Variants in FCRL6 observed in about 807,000 individuals in gnomAD.
FCRL6 encodes Fc receptor-like protein 6.
FCRL6 carries 50 observed loss-of-function variants against 49.1 expected under a neutral mutation model. That is an observed-to-expected ratio of 1.02 (90% confidence interval 0.81 to 1.29). The LOEUF is 1.29. FCRL6 is among the 50% of genes most tolerant of loss of function. The pLI is 0.00. For synonymous variants in FCRL6, 213 were observed against 199.6 expected (o/e 1.07, Z -0.57); for missense variants, 571 against 518.5 (o/e 1.10, Z -0.98).
At chr1:159,803,308 A>C (rs1662464660) in intron 1 of FCRL6, among the ~76,000 whole-genome samples, 1 of 152,228 alleles carries the variant, frequency 6.6e-6, no homozygotes, top group African/African-American at 2.4e-5. Context: ...GTTTCACTTT[A>C]CAGTTTCCAA....
rs559398248 is a variant in FCRL6, at chr1:159,808,498, G to C, written c.319+54G>C. On this transcript the variant is annotated intron_variant, in intron 3 of 9. Coordinates refer to ENST00000368106, the MANE Select transcript of FCRL6 (RefSeq NM_001004310.3). ...GCAGGAGGTGCTGCTCAAGGGTCCCGTTTCTAGAGGTCAGTAGCTCTCTGG... is the reference window on the plus strand; with the variant it reads ...GCAGGAGGTGCTGCTCAAGGGTCCCCTTTCTAGAGGTCAGTAGCTCTCTGG... The C allele has an allele frequency of 9.7e-4, 1,560 of 1,601,860 alleles. 3 individuals are homozygous for C. Among genetic ancestry groups the C allele is most frequent in the Non-Finnish European group, 1.2e-3 (1,428 of 1,169,626 alleles).
chr1:159,811,474 G>C (rs998637198), intron 6 of FCRL6, among the ~76,000 whole-genome samples: 1 of 152,320 alleles, frequency 6.6e-6, no homozygotes. Flanking sequence ...AGCTGGACCA[G>C]CCTGATAATT....
chr1:159,808,156 G>A (rs751670102), intron 2 of FCRL6, 22 bp from the exon 3 acceptor site: 11 of 1,596,178 alleles, frequency 6.9e-6, no homozygotes, highest in Non-Finnish European at 9.4e-6. Flanking sequence ...CTCCAGGGCT[G>A]CCCTGTTCCT....
intron 1 of FCRL6, among the ~76,000 whole-genome samples, chr1:159,804,409 C>T (rs1161881693): frequency 2.6e-5 from 4 of 152,214 alleles, no homozygotes; most frequent in African/African-American, 9.7e-5. Flanking sequence ...CCCTCAGAAA[C>T]TTTAAGAGGA....
In FCRL6 at chr1:159,815,807, G is replaced by C; in HGVS notation, c.*146G>C. ...CCCTGAGCCCTTGTCCTGGTCAGGAGCACCTGAACCCTGGGTTCTTTTCTT... is the reference window on the plus strand; with the variant it reads ...CCCTGAGCCCTTGTCCTGGTCAGGACCACCTGAACCCTGGGTTCTTTTCTT... On this transcript the variant is annotated 3_prime_UTR_variant, in exon 10 of 10. Coordinates refer to ENST00000368106, the MANE Select transcript of FCRL6 (RefSeq NM_001004310.3). 2.1e-6 allele frequency: 2 copies of C among 958,292 alleles called. No individual in the cohort carries two copies. The highest frequency in any genetic ancestry group is 3.3e-5 in the South Asian group (2 of 61,136). The allele number at this position is 958,292 out of a possible 1,614,324, so 59.4% of individuals were successfully genotyped here.
At chr1:159,813,742 T>G (rs1571113939) in intron 7 of FCRL6, among the ~76,000 whole-genome samples, 188 bp downstream of exon 7, 2 of 150,452 alleles carry the variant, frequency 1.3e-5, no homozygotes, top group Non-Finnish European at 3.0e-5. Flanking sequence ...GAGAAGGGGG[T>G]GGGAAGGGAG....
chr1:159,811,824 CT>C (rs141787328), intron 6 of FCRL6, among the ~76,000 whole-genome samples: 11,465 of 152,158 alleles, frequency 0.075, 823 homozygotes, highest in African/African-American at 0.18. Context: ...GTGAGTTATG[CT>C]GTCATTGTGT....
In FCRL6 at chr1:159,808,174, G is replaced by A. The variant is rs753754969; in HGVS notation, c.53-4G>A. On this transcript the variant is annotated splice_polypyrimidine_tract_variant and splice_region_variant and intron_variant, in intron 2 of 9. Transcript: ENST00000368106. ...CAGGGCTGCCCTGTTCCTCTGTCTCGCAGTCTGGCTGTACCTCCAAGCCTG... is the reference window on the plus strand; with the variant it reads ...CAGGGCTGCCCTGTTCCTCTGTCTCACAGTCTGGCTGTACCTCCAAGCCTG... 60 of 1,605,870 alleles carry A rather than the reference G, an allele frequency of 3.7e-5. No individual in the cohort carries two copies. Among genetic ancestry groups the A allele is most frequent in the African/African-American group, 8.0e-5 (6 of 74,758 alleles).
At chr1:159,814,424 T>C in intron 8 of FCRL6, 132 bp downstream of exon 8, 2 of 671,950 alleles carry the variant, frequency 3.0e-6, no homozygotes, top group Admixed American at 4.9e-5. Context: ...AAGACCATCA[T>C]ATTTATCTCC....
At position 159,809,027 on chromosome 1, in the gene FCRL6, C is replaced by T. The variant is rs775406232; in HGVS notation, c.386C>T (p.Thr129Ile). The T allele has an allele frequency of 5.0e-6, 8 of 1,613,940 alleles. No homozygotes were observed. The South Asian group carries it at 7.7e-5, about 16-fold the overall frequency. The change falls in exon 4 of 10, where the codon ACC becomes ATC. Residue 129 changes from threonine to isoleucine, a missense_variant. Coordinates refer to ENST00000368106, the MANE Select transcript of FCRL6 (RefSeq NM_001004310.3). ...GAGCCCCGAGAGGGTAGCCTGGTGA[C>T]CCTGAGATGTCAGACAAAGCTGCAC... ...SPEPREGSLV[T>I]LRCQTKLHPL...
intron 1 of FCRL6, among the ~76,000 whole-genome samples, chr1:159,803,614 G>A (rs6668234): frequency 0.026 from 3,901 of 152,286 alleles, 177 homozygotes; most frequent in African/African-American, 0.089. Flanking sequence ...ACTCCCAGGG[G>A]CAAATGGCAC....
chr1:159,809,306 C>T, intron 4 of FCRL6, 61 bp downstream of exon 4: 1 of 1,526,788 alleles, frequency 6.5e-7, no homozygotes, highest in South Asian at 1.3e-5. Context: ...GTGGGATCCC[C>T]TGGGACTAAA....
At chr1:159,812,555 G>A (rs540069892) in intron 6 of FCRL6, among the ~76,000 whole-genome samples, 42 of 152,258 alleles carry the variant, frequency 2.8e-4, no homozygotes, top group South Asian at 8.3e-4. Flanking sequence ...CACACATCCC[G>A]TAAAACAAAG....
At chr1:159,812,109 G>A (rs1202640208) in intron 6 of FCRL6, among the ~76,000 whole-genome samples, 1 of 152,198 alleles carries the variant, frequency 6.6e-6, no homozygotes, top group Non-Finnish European at 1.5e-5. Flanking sequence ...GCCAACCTTG[G>A]AGCAGGTGGG....
intron 3 of FCRL6, chr1:159,808,712 C>T (rs1306384176): frequency 4.9e-6 from 3 of 608,016 alleles, no homozygotes; most frequent in Admixed American, 3.0e-5. Context: ...TCACCCTTCC[C>T]CTCTATGGAC....
chr1:159,808,086 C>A, intron 2 of FCRL6, 92 bp from the exon 3 acceptor site: 1 of 1,421,040 alleles, frequency 7.0e-7, no homozygotes, highest in Non-Finnish European at 9.6e-7. Flanking sequence ...GGCCTCCATC[C>A]CCAGCAGGAG....
chr1:159,809,122 C>G lies in FCRL6; in HGVS notation c.481C>G (p.Pro161Ala). 1 of 1,614,094 alleles carries G rather than the reference C, an allele frequency of 6.2e-7. No individual in the cohort carries two copies. The stretch of plus-strand genomic sequence containing the variant: ...CGGCCACACCTTGCAGGACAGGGGC[C>G]CTCACCCAGAACTCTGCATCCCGGG... ...KDGHTLQDRG[P>A]HPELCIPGAK... is the part of the protein sequence containing the mutation. The change falls in exon 4 of 10, where the codon CCT (proline) becomes GCT (alanine). Residue 161 changes from proline to alanine, a missense_variant. Coordinates refer to ENST00000368106, the MANE Select transcript of FCRL6 (RefSeq NM_001004310.3).
rs776125711 is a variant in FCRL6 at position 159,809,030 on chromosome 1, T to G, written c.389T>G (p.Leu130Arg). Reference protein sequence around the residue: ...PEPREGSLVTLRCQTKLHPLR... With the variant: ...PEPREGSLVTRRCQTKLHPLR... ...CCCCGAGAGGGTAGCCTGGTGACCCTGAGATGTCAGACAAAGCTGCACCCC... is the reference window on the plus strand; with the variant it reads ...CCCCGAGAGGGTAGCCTGGTGACCCGGAGATGTCAGACAAAGCTGCACCCC... The change falls in exon 4 of 10, where the codon CTG (leucine) becomes CGG (arginine). Residue 130 changes from leucine to arginine, a missense_variant. Transcript: ENST00000368106. The G allele has an allele frequency of 6.2e-7, 1 of 1,613,920 alleles. No individual in the cohort carries two copies.
chr1:159,803,780 A>C (rs1662494438), intron 1 of FCRL6, among the ~76,000 whole-genome samples: 1 of 152,194 alleles, frequency 6.6e-6, no homozygotes, highest in South Asian at 2.1e-4. Flanking sequence ...GTAATGGAGA[A>C]TCCAGCACCA....
Sources: gnomAD v4.1 joint callset for allele counts (sites outside exome capture counted in the v4.1 genomes callset) on GRCh38, gnomAD v4.1.1 for gene constraint, MANE v1.5 for transcripts, NCBI Gene and HGNC (gene_info 2026-07-23, HGNC 2026-07-21) for gene names.